XXYLT1: variants seen among roughly 807,000 people sequenced by gnomAD.
The protein encoded by XXYLT1 is xyloside xylosyltransferase 1, also known as UDP-xylose:alpha-xyloside alpha-1,3-xylosyltransferase.
XXYLT1 carries 20 observed loss-of-function variants against 28.9 expected under a neutral mutation model. The ratio of observed to expected loss-of-function variants is 0.69; its 90% CI spans 0.49 to 1.00. The LOEUF (loss-of-function observed/expected upper bound fraction) is 1.00. Among genes scored for constraint, XXYLT1 ranks in the 50% least tolerant of loss-of-function variants. The pLI, the probability that XXYLT1 is intolerant of heterozygous loss-of-function variation, is 0.00. For synonymous variants in XXYLT1, 257 were observed against 253.8 expected (o/e 1.01, Z -0.12); for missense variants, 542 against 560.1 (o/e 0.97, Z 0.33).
At chr3:195,166,363 A>C (rs1721121005) in intron 2 of XXYLT1, among the ~76,000 whole-genome samples, 1 of 152,250 alleles carries the variant, frequency 6.6e-6, no homozygotes, top group South Asian at 2.1e-4. Flanking sequence ...AAACTGACAG[A>C]ACTGCAGCTG....
intron 3 of XXYLT1, among the ~76,000 whole-genome samples, chr3:195,127,025 T>C (rs1386662584): frequency 1.3e-5 from 2 of 152,192 alleles, no homozygotes; most frequent in African/African-American, 2.4e-5. Flanking sequence ...GAATGTTCCC[T>C]CTGTGGATTT....
chr3:195,116,603 G>A (rs974552040), intron 3 of XXYLT1, among the ~76,000 whole-genome samples: 6 of 152,144 alleles, frequency 3.9e-5, no homozygotes, highest in African/African-American at 1.4e-4. Flanking sequence ...GCTCTCACCG[G>A]CTTGCAACTC....
Position 195,069,690 on chromosome 3 carries a change from C to A in XXYLT1, c.*25G>T. 1 of 1,591,034 alleles carries A rather than the reference C, an allele frequency of 6.3e-7. No homozygotes were observed. The highest frequency in any genetic ancestry group is 1.1e-5 in the South Asian group (1 of 87,456). On this transcript the variant is annotated 3_prime_UTR_variant, in exon 4 of 4. Coordinates refer to ENST00000310380, the MANE Select transcript of XXYLT1 (RefSeq NM_152531.5). Reference sequence around the variant, plus strand: ...CTGTCCTTCCCCCAGATCTGGAGGCCCCGGGGGCAAGGCACGGGGAGCGCC... The same window carrying A: ...CTGTCCTTCCCCCAGATCTGGAGGCACCGGGGGCAAGGCACGGGGAGCGCC...
chr3:195,119,938 CG>C (rs1449828867), intron 3 of XXYLT1, among the ~76,000 whole-genome samples: 1 of 50,140 alleles, frequency 2.0e-5, no homozygotes, highest in Non-Finnish European at 4.1e-5. Context: ...CTGGGCGGGG[CG>C]GGGGGAGCAG....
At chr3:195,090,174 G>T (rs1716052987) in intron 3 of XXYLT1, among the ~76,000 whole-genome samples, 1 of 151,538 alleles carries the variant, frequency 6.6e-6, no homozygotes, top group Admixed American at 6.6e-5. Context: ...GCACCAAGCG[G>T]ACCTAATAGA....
At chr3:195,135,783 G>A (rs894526399) in intron 3 of XXYLT1, among the ~76,000 whole-genome samples, 2 of 152,186 alleles carry the variant, frequency 1.3e-5, no homozygotes, top group African/African-American at 4.8e-5. Flanking sequence ...TGTCACCTTA[G>A]ATGGATAAAT....
chr3:195,184,925 T>G (rs1722109384), intron 2 of XXYLT1: 2 of 713,986 alleles, frequency 2.8e-6, no homozygotes, highest in Non-Finnish European at 3.4e-6. Flanking sequence ...TTTCGTTTGA[T>G]CAAATGTTGG....
rs1175852032 is a variant in XXYLT1, at chr3:195,143,831, G to GATAT, written c.785+12614_785+12617dup. 1.1e-3 allele frequency among the ~76,000 whole-genome samples: 74 copies of GATAT among 65,704 alleles called. 5 individuals are homozygous for GATAT. Among genetic ancestry groups the GATAT allele is most frequent in the African/African-American group, 4.2e-3 (69 of 16,472 alleles). 43.1% of individuals were successfully genotyped at this position (65,704 alleles called of 152,430 possible). On this transcript the variant is annotated intron_variant, in intron 3 of 3. Transcript: ENST00000310380. ...ATATATATAGATATAGATATATATAGATATAGATATAGATATATATATAGA... is the reference window on the plus strand; with the variant it reads ...ATATATATAGATATAGATATATATAGATATATATAGATATAGATATATATATAGA...
chr3:195,183,253 G>A (rs1036501149), intron 2 of XXYLT1, among the ~76,000 whole-genome samples: 1 of 152,186 alleles, frequency 6.6e-6, no homozygotes, highest in African/African-American at 2.4e-5. Flanking sequence ...CTGGTAAGAA[G>A]TGATTGGATC....
intron 3 of XXYLT1, among the ~76,000 whole-genome samples, chr3:195,110,272 G>T (rs201801649): frequency 0.071 from 93 of 1,302 alleles, 2 homozygotes; most frequent in East Asian, 0.094. Flanking sequence ...TGGGTGTGTG[G>T]TGTGTGTGGG....
intron 3 of XXYLT1, among the ~76,000 whole-genome samples, chr3:195,101,612 A>G (rs1166488753): frequency 1.3e-5 from 2 of 152,152 alleles, no homozygotes; most frequent in Non-Finnish European, 2.9e-5. Flanking sequence ...CTGAATGAAA[A>G]TGATAACATC....
intron 3 of XXYLT1, chr3:195,087,353 G>A (rs1715789829): frequency 6.6e-6 from 1 of 152,280 alleles, no homozygotes; most frequent in African/African-American, 2.4e-5. Flanking sequence ...TGCTTCTCCA[G>A]GCCTTCCAGA....
chr3:195,204,296 T>A (rs1722972803), intron 2 of XXYLT1, among the ~76,000 whole-genome samples: 1 of 151,060 alleles, frequency 6.6e-6, no homozygotes, highest in African/African-American at 2.4e-5. Context: ...TGAGCTGAGA[T>A]TGCACCACTG....
At chr3:195,146,190 C>T (rs1048765178) in intron 3 of XXYLT1, among the ~76,000 whole-genome samples, 1 of 152,212 alleles carries the variant, frequency 6.6e-6, no homozygotes, top group Admixed American at 6.5e-5. Context: ...TCATGTGGGG[C>T]TGGTCACGCT....
At chr3:195,193,594 A>T (rs1722510204) in intron 2 of XXYLT1, among the ~76,000 whole-genome samples, 1 of 152,210 alleles carries the variant, frequency 6.6e-6, no homozygotes, top group Non-Finnish European at 1.5e-5. Flanking sequence ...ACAATTTTGT[A>T]TAATAACAAA....
chr3:195,110,720 G>A (rs62645783), intron 3 of XXYLT1, among the ~76,000 whole-genome samples: 62,827 of 76,112 alleles, frequency 0.83, 26,582 homozygotes, highest in Middle Eastern at 0.9. Context: ...TGTGTGGTGT[G>A]TGTGTGTGTG....
intron 3 of XXYLT1, among the ~76,000 whole-genome samples, chr3:195,128,737 T>C (rs1718760315): frequency 6.6e-6 from 1 of 152,252 alleles, no homozygotes; most frequent in Non-Finnish European, 1.5e-5. Flanking sequence ...CCTATGTGTT[T>C]AGAGCCCCTC....
intron 3 of XXYLT1, among the ~76,000 whole-genome samples, chr3:195,140,690 A>G (rs1719440097): frequency 6.6e-6 from 1 of 152,120 alleles, no homozygotes; most frequent in African/African-American, 2.4e-5. Flanking sequence ...AGAGCACAAG[A>G]AGGGGGAAGC....
At chr3:195,234,066 G>A (rs1038904678) in intron 1 of XXYLT1, among the ~76,000 whole-genome samples, 3 of 150,958 alleles carry the variant, frequency 2.0e-5, no homozygotes, top group African/African-American at 4.9e-5. Context: ...ACAGACGCCC[G>A]CCACTACGCC....
Sources: allele counts gnomAD v4.1 joint callset (sites outside exome capture counted in the v4.1 genomes callset), GRCh38; gene constraint gnomAD v4.1.1; transcripts MANE v1.5; gene names NCBI Gene and HGNC (gene_info 2026-07-23, HGNC 2026-07-21).